The following GRID2 variants were observed in gnomAD, a reference collection of about 807,000 sequenced individuals.
GRID2 encodes glutamate receptor ionotropic, delta-2.
In GRID2, 33 loss-of-function variants were observed where a neutral mutation model predicts 114.8. The ratio of observed to expected loss-of-function variants is 0.29; its 90% CI spans 0.22 to 0.38. GRID2 has a LOEUF of 0.38. Ranked by LOEUF, GRID2 falls within the 10% of genes least tolerant of loss-of-function variation. The pLI is 1.00. For synonymous variants in GRID2, 505 were observed against 449.9 expected (o/e 1.12, Z -1.55); for missense variants, 1,184 against 1,257.7 (o/e 0.94, Z 0.89).
rs1450291722 is a variant in GRID2, at chr4:92,830,084, G to A, written c.244+239798G>A. The stretch of plus-strand genomic sequence containing the variant: ...GAACATTCTACATATGTATTCCAGC[G>A]CTTAAAATAAAATTGAAAAAAAAAA... On this transcript the variant is annotated intron_variant, in intron 2 of 15. Transcript: ENST00000282020. Among the ~76,000 whole-genome samples, 35 of 149,382 alleles carry A rather than the reference G, an allele frequency of 2.3e-4. 1 individual carries two copies. The highest frequency in any genetic ancestry group is 7.4e-4 in the Admixed American group (11 of 14,890).
At chr4:93,007,699 A>G (rs1468958160) in intron 2 of GRID2, among the ~76,000 whole-genome samples, 1 of 152,132 alleles carries the variant, frequency 6.6e-6, no homozygotes, top group African/African-American at 2.4e-5. Context: ...GTAGAATGAT[A>G]AATATGTTCT....
At chr4:93,476,447 A>G (rs151119329) in intron 11 of GRID2, among the ~76,000 whole-genome samples, 1 of 152,254 alleles carries the variant, frequency 6.6e-6, no homozygotes, top group African/African-American at 2.4e-5. Flanking sequence ...TTGAATTTCT[A>G]AACTTTCAAA....
At chr4:92,312,407 T>G (rs1725753009) in intron 1 of GRID2, among the ~76,000 whole-genome samples, 1 of 152,064 alleles carries the variant, frequency 6.6e-6, no homozygotes, top group Non-Finnish European at 1.5e-5. Context: ...GGTGGTAGCT[T>G]AGCTAAATGT....
At chr4:92,914,964 C>T (rs1187843309) in intron 2 of GRID2, among the ~76,000 whole-genome samples, 1 of 152,094 alleles carries the variant, frequency 6.6e-6, no homozygotes, top group African/African-American at 2.4e-5. Flanking sequence ...TAAAGAACTT[C>T]CCCAGACTGG....
intron 2 of GRID2, among the ~76,000 whole-genome samples, chr4:92,867,288 TG>T (rs1262664835): frequency 6.6e-6 from 1 of 152,092 alleles, no homozygotes; most frequent in Non-Finnish European, 1.5e-5. Flanking sequence ...ACAAAGTCAC[TG>T]AAAAAAAGTG....
chr4:93,128,630 T>C (rs528761062), intron 4 of GRID2, among the ~76,000 whole-genome samples: 7 of 152,168 alleles, frequency 4.6e-5, no homozygotes, highest in Non-Finnish European at 1.0e-4. Flanking sequence ...ATTGCTAAAC[T>C]GTCCTAATCA....
At chr4:93,156,964 A>G (rs982910223) in intron 4 of GRID2, among the ~76,000 whole-genome samples, 3 of 151,846 alleles carry the variant, frequency 2.0e-5, no homozygotes, top group Admixed American at 6.6e-5. Flanking sequence ...TCAAGTGGAC[A>G]CAATTAAGCA....
chr4:92,919,430 T>C (rs574703858), intron 2 of GRID2, among the ~76,000 whole-genome samples: 1 of 152,242 alleles, frequency 6.6e-6, no homozygotes, highest in Non-Finnish European at 1.5e-5. Context: ...TCTAGTTCTT[T>C]TAATTGTGAT....
chr4:93,157,255 T>C lies in GRID2; in HGVS notation c.735+46302T>C, dbSNP rs534795773. 4.0e-5 allele frequency among the ~76,000 whole-genome samples: 6 copies of C among 151,776 alleles called. No homozygotes were observed. The East Asian group carries it at 9.7e-4, about 25-fold the overall frequency. ...TGAGACTCGAAACACCCTGAAAATG[T>C]AGGCTCCCCAGTTCCAAAACCAGGA... On this transcript the variant is annotated intron_variant, in intron 4 of 15. Coordinates refer to ENST00000282020, the MANE Select transcript of GRID2 (RefSeq NM_001510.4).
At chr4:93,162,749 C>T (rs970946578) in intron 4 of GRID2, among the ~76,000 whole-genome samples, 14 of 151,714 alleles carry the variant, frequency 9.2e-5, no homozygotes, top group African/African-American at 3.4e-4. Flanking sequence ...GATGACTGTA[C>T]CAATAATTAG....
At chr4:92,684,844 T>G (rs1733826456) in intron 2 of GRID2, among the ~76,000 whole-genome samples, 1 of 152,098 alleles carries the variant, frequency 6.6e-6, no homozygotes, top group Non-Finnish European at 1.5e-5. Flanking sequence ...ATCAAGCATT[T>G]TATATTTTTA....
intron 8 of GRID2, among the ~76,000 whole-genome samples, chr4:93,378,952 T>A (rs1381441201): frequency 6.6e-6 from 1 of 152,074 alleles, no homozygotes; most frequent in East Asian, 1.9e-4. Flanking sequence ...CTGCTGTATA[T>A]AGAGGTCCAA....
intron 1 of GRID2, among the ~76,000 whole-genome samples, chr4:92,507,551 G>GT (rs914022394): frequency 4.6e-5 from 7 of 151,170 alleles, no homozygotes; most frequent in Non-Finnish European, 1.0e-4. Flanking sequence ...TCTGAGTCCA[G>GT]TTTTTTTTAA....
chr4:93,667,676 C>T (rs1279393922), intron 14 of GRID2, among the ~76,000 whole-genome samples: 1 of 151,854 alleles, frequency 6.6e-6, no homozygotes, highest in Admixed American at 6.6e-5. Context: ...CACTCTTTAC[C>T]AAAGTTTAGG....
chr4:92,573,061 G>A (rs749144299), intron 1 of GRID2, among the ~76,000 whole-genome samples: 1 of 151,974 alleles, frequency 6.6e-6, no homozygotes, highest in Non-Finnish European at 1.5e-5. Context: ...GAGAGTGTAC[G>A]TTTCCAGGAA....
At chr4:93,148,022 G>A (rs868633472) in intron 4 of GRID2, among the ~76,000 whole-genome samples, 66 of 152,300 alleles carry the variant, frequency 4.3e-4, no homozygotes, top group Middle Eastern at 3.4e-3. Context: ...TACATAGCAA[G>A]TGCTTCACAG....
intron 13 of GRID2, among the ~76,000 whole-genome samples, chr4:93,541,106 C>T (rs1732605588): frequency 6.6e-6 from 1 of 152,038 alleles, no homozygotes; most frequent in Admixed American, 6.6e-5. Context: ...CGTTGAGAGA[C>T]ACTATGGAGA....
At chr4:92,726,249 C>G (rs995244130) in intron 2 of GRID2, among the ~76,000 whole-genome samples, 1 of 152,110 alleles carries the variant, frequency 6.6e-6, no homozygotes, top group Non-Finnish European at 1.5e-5. Flanking sequence ...AATATATTCT[C>G]TTCTACAGAT....
At chr4:93,422,434 T>C (rs991307115) in intron 9 of GRID2, among the ~76,000 whole-genome samples, 1 of 152,176 alleles carries the variant, frequency 6.6e-6, no homozygotes, top group African/African-American at 2.4e-5. Context: ...TGAGAATAGA[T>C]ACGATAAATT....
Sources: gnomAD v4.1 joint callset for allele counts (sites outside exome capture counted in the v4.1 genomes callset) on GRCh38, gnomAD v4.1.1 for gene constraint, MANE v1.5 for transcripts, NCBI Gene and HGNC (gene_info 2026-07-23, HGNC 2026-07-21) for gene names.